The following MCF2L variants were observed in gnomAD, a reference collection of about 807,000 sequenced individuals.
MCF2L encodes the protein MCF.2 cell line derived transforming sequence like.
Under a neutral mutation model 153.4 loss-of-function variants are expected in MCF2L, and 97 were observed. The ratio of observed to expected loss-of-function variants is 0.63; its 90% CI spans 0.54 to 0.75. The LOEUF (loss-of-function observed/expected upper bound fraction) is 0.75, where lower values mean the gene tolerates loss of function less well. Ranked by LOEUF, MCF2L falls within the 30% of genes least tolerant of loss-of-function variation. The pLI, the probability that MCF2L is intolerant of heterozygous loss-of-function variation, is 0.00. For synonymous variants in MCF2L, 659 were observed against 632.2 expected (o/e 1.04, Z -0.64); for missense variants, 1,347 against 1,495.2 (o/e 0.90, Z 1.64).
intron 1 of MCF2L, among the ~76,000 whole-genome samples, chr13:112,998,975 C>T (rs773021320): frequency 2.9e-4 from 44 of 152,286 alleles, no homozygotes; most frequent in Middle Eastern, 6.8e-3. Flanking sequence ...GAGTGAGAAA[C>T]GGTGGGTGAG....
At chr13:113,026,839 G>A in intron 3 of MCF2L, 1 of 680,520 alleles carries the variant, frequency 1.5e-6, no homozygotes, top group Admixed American at 2.2e-5. Flanking sequence ...CCTCTGAAAA[G>A]GTAGGGAGCC....
chr13:113,011,313 G>T (rs1447099337), intron 1 of MCF2L, among the ~76,000 whole-genome samples: 1 of 152,240 alleles, frequency 6.6e-6, no homozygotes, highest in Non-Finnish European at 1.5e-5. Context: ...TACCCAAAAT[G>T]AGGCATTTGA....
At position 113,087,385 on chromosome 13, in the gene MCF2L, T is replaced by G. The variant is rs761223082; in HGVS notation, c.2524T>G (p.Cys842Gly). Residue 842 changes from cysteine to glycine, a missense_variant, in exon 22 of 30, where the codon TGC becomes GGC. Coordinates refer to ENST00000535094, the MANE Select transcript of MCF2L (RefSeq NM_001112732.3). The part of the protein sequence containing the change: ...LFLHEKAVLF[C>G]KKREENGEGY... ...CCTGCACGAGAAGGCAGTGCTCTTC[T>G]GCAAGAAGAGGGAGGAGAATGGGGA... 1 of 1,613,252 alleles carries G rather than the reference T, an allele frequency of 6.2e-7. No homozygotes were observed.
In MCF2L at chr13:113,064,652, A is replaced by AAC; in HGVS notation, c.606+233_606+234insCA. On this transcript the variant is annotated intron_variant, in intron 6 of 29. Coordinates refer to ENST00000535094, the MANE Select transcript of MCF2L (RefSeq NM_001112732.3). This position sits in a 1 kb window ranked among gnomAD's most constrained non-coding sequence, Gnocchi z 6.0. ...GGCTTGGAGACCAAAAAAAAAAAAA[A>AAC]AACCCTTGCGTTGTGGTTTGCAACA... is the stretch of plus-strand genomic sequence containing the variant. 1 of 594,066 alleles carries AAC rather than the reference A, an allele frequency of 1.7e-6. No homozygotes were observed. The allele number at this position is 594,066 out of a possible 1,614,324, so 36.8% of individuals were successfully genotyped here.
intron 3 of MCF2L, among the ~76,000 whole-genome samples, chr13:113,029,272 A>G (rs2085498117): frequency 6.6e-6 from 1 of 152,176 alleles, no homozygotes; most frequent in African/African-American, 2.4e-5. Flanking sequence ...GATTTCTGTG[A>G]GCACGGGGCT....
chr13:113,004,511 G>A (rs1366184394), intron 1 of MCF2L, among the ~76,000 whole-genome samples: 1 of 152,216 alleles, frequency 6.6e-6, no homozygotes, highest in South Asian at 2.1e-4. Context: ...CTGGGAGCAG[G>A]AAGATCCCCC....
upstream of MCF2L, chr13:112,968,773 A>T: frequency 7.4e-7 from 1 of 1,352,018 alleles, no homozygotes; most frequent in Non-Finnish European, 9.5e-7. Context: ...CGCTCGGTCC[A>T]CTCGCGGCTT....
chr13:112,913,965 A>G (rs1350754475), intron 2 of MCF2L, among the ~76,000 whole-genome samples: 2 of 152,074 alleles, frequency 1.3e-5, no homozygotes, highest in Non-Finnish European at 2.9e-5. Context: ...CAATGCCTGC[A>G]CCTCGAGTCC....
chr13:113,095,057 A>G, intron 27 of MCF2L: 3 of 1,369,724 alleles, frequency 2.2e-6, no homozygotes, highest in Non-Finnish European at 2.9e-6. Flanking sequence ...TATGTCATAG[A>G]ATGCTGTCAC....
chr13:113,092,646 T>C (rs2035315331), intron 26 of MCF2L, among the ~76,000 whole-genome samples: 1 of 152,228 alleles, frequency 6.6e-6, no homozygotes. Context: ...AGAGGGCACC[T>C]TCCTGGCCAT....
At position 113,012,534 on chromosome 13, in the gene MCF2L, G is replaced by A. The variant is rs1277879536; in HGVS notation, c.80-2229G>A. 8.7e-5 allele frequency among the ~76,000 whole-genome samples: 10 copies of A among 115,120 alleles called. 2 individuals are homozygous for A. The highest frequency in any genetic ancestry group is 2.7e-4 in the African/African-American group (9 of 32,946). The allele number at this position is 115,120 out of a possible 152,430, so 75.5% of individuals were successfully genotyped here. A position where few individuals can be genotyped will look rare whatever the true frequency, so the allele number is the denominator to read the frequency against. On this transcript the variant is annotated intron_variant, in intron 1 of 29. Coordinates refer to ENST00000535094, the MANE Select transcript of MCF2L (RefSeq NM_001112732.3). Reference sequence around the variant, plus strand: ...GGATGGTGGACACTGCAATGAGGACGGTGGACACTGCGATGAGGACAGTGG... The same window carrying A: ...GGATGGTGGACACTGCAATGAGGACAGTGGACACTGCGATGAGGACAGTGG...
At chr13:112,975,649 T>G (rs1465335868) in intron 1 of MCF2L, among the ~76,000 whole-genome samples, 1 of 152,140 alleles carries the variant, frequency 6.6e-6, no homozygotes, top group Non-Finnish European at 1.5e-5. Context: ...GCCGTGGTCA[T>G]CCTCAGGGAG....
chr13:112,919,379 G>A (rs1336290233), intron 2 of MCF2L, among the ~76,000 whole-genome samples: 2 of 151,278 alleles, frequency 1.3e-5, no homozygotes. Flanking sequence ...CTAATTTTTT[G>A]TATTTTTAGT....
intron 3 of MCF2L, among the ~76,000 whole-genome samples, chr13:113,033,214 GAC>G (rs1566772452): frequency 1.4e-5 from 2 of 147,160 alleles, no homozygotes; most frequent in African/African-American, 2.6e-5. Context: ...TGGCCCCCGT[GAC>G]ATGAGTGGCC....
At chr13:113,006,545 C>T (rs2083708894) in intron 1 of MCF2L, among the ~76,000 whole-genome samples, 1 of 152,220 alleles carries the variant, frequency 6.6e-6, no homozygotes, top group South Asian at 2.1e-4. Context: ...TGCGACCCCT[C>T]CTGCGGACAG....
intron 2 of MCF2L, among the ~76,000 whole-genome samples, chr13:112,929,770 G>C (rs1018208657): frequency 2.0e-5 from 3 of 152,188 alleles, no homozygotes; most frequent in Admixed American, 6.5e-5. Context: ...TGCATGGTCG[G>C]GATGGCGGAG....
intron 3 of MCF2L, among the ~76,000 whole-genome samples, chr13:113,033,432 TGTGAGTGGCCCCCGTGATGTG>T (rs2085922154): frequency 3.4e-5 from 1 of 29,360 alleles, no homozygotes; most frequent in Non-Finnish European, 7.0e-5. Flanking sequence ...GCCCCCATGA[TGTGAGTGGCCCCCGTGATGTG>T]AGTGGCCCCC....
chr13:113,011,799 G>A (rs2084139389), intron 1 of MCF2L, among the ~76,000 whole-genome samples: 1 of 122,110 alleles, frequency 8.2e-6, no homozygotes, highest in Non-Finnish European at 1.7e-5. Context: ...TGATGCGGAC[G>A]GTGGACAGGC....
intron 2 of MCF2L, among the ~76,000 whole-genome samples, chr13:113,022,111 C>A (rs1298695445): frequency 1.3e-5 from 2 of 152,166 alleles, no homozygotes; most frequent in Non-Finnish European, 2.9e-5. Context: ...TGGGGGTCCC[C>A]GGTCTCTGTG....
Sources: allele counts gnomAD v4.1 joint callset (sites outside exome capture counted in the v4.1 genomes callset), GRCh38; gene constraint gnomAD v4.1.1; non-coding constraint Gnocchi (gnomAD v3.1); transcripts MANE v1.5; gene names NCBI Gene and HGNC (gene_info 2026-07-23, HGNC 2026-07-21).